Variants in ANK3 observed in about 807,000 individuals in gnomAD.
ANK3 encodes the protein ankyrin-3.
In ANK3, 57 loss-of-function variants were observed where a neutral mutation model predicts 370.9. The ratio of observed to expected loss-of-function variants is 0.15; its 90% CI spans 0.12 to 0.19. ANK3 has a LOEUF of 0.19. Ranked by LOEUF, ANK3 falls within the 10% of genes least tolerant of loss-of-function variation. The pLI, the probability that ANK3 is intolerant of heterozygous loss-of-function variation, is 1.00. For synonymous variants in ANK3, 1,929 were observed against 1,946.3 expected (o/e 0.99, Z 0.23); for missense variants, 4,439 against 5,302.1 (o/e 0.84, Z 5.06).
intron 1 of ANK3, among the ~76,000 whole-genome samples, chr10:60,674,788 T>C (rs573644117): frequency 6.6e-6 from 1 of 152,324 alleles, no homozygotes; most frequent in East Asian, 1.9e-4. Flanking sequence ...ACAATTATAA[T>C]CTTTAATAAA....
At chr10:60,037,230 T>A (rs569832423) in intron 43 of ANK3, among the ~76,000 whole-genome samples, 54 of 152,308 alleles carry the variant, frequency 3.5e-4, no homozygotes, top group African/African-American at 1.3e-3. Context: ...CTATCCATTC[T>A]CTAGATAGTC....
At chr10:60,608,792 C>T (rs1041950629) in intron 2 of ANK3, among the ~76,000 whole-genome samples, 1 of 152,102 alleles carries the variant, frequency 6.6e-6, no homozygotes, top group Non-Finnish European at 1.5e-5. Context: ...AATCCTGTTC[C>T]TCTATTTCGG....
intron 1 of ANK3, among the ~76,000 whole-genome samples, chr10:60,691,253 T>C (rs529839884): frequency 1.3e-4 from 20 of 152,210 alleles, no homozygotes; most frequent in Non-Finnish European, 2.9e-4. Context: ...CCCAGCATCA[T>C]GCAGTATATC....
chr10:60,697,541 G>A (rs1438468152), intron 1 of ANK3, among the ~76,000 whole-genome samples: 2 of 148,494 alleles, frequency 1.3e-5, no homozygotes, highest in Admixed American at 6.8e-5. Flanking sequence ...GCATGGTACT[G>A]GTACCAAAAC....
exon 1 of ANK3, chr10:60,733,292 C>G: frequency 8.1e-7 from 1 of 1,238,158 alleles, no homozygotes; most frequent in South Asian, 4.0e-5. Flanking sequence ...TCGGTGCCCG[C>G]GGGAGAGGAG....
intron 1 of ANK3, among the ~76,000 whole-genome samples, chr10:60,368,900 TG>T (rs2059748272): frequency 6.6e-6 from 1 of 152,184 alleles, no homozygotes; most frequent in Non-Finnish European, 1.5e-5. Context: ...AACCTGGTGC[TG>T]GAAATCCTAA....
chr10:60,527,592 G>A (rs761182001), intron 2 of ANK3, among the ~76,000 whole-genome samples: 6 of 152,018 alleles, frequency 3.9e-5, no homozygotes, highest in Non-Finnish European at 8.8e-5. Flanking sequence ...ATAATTCAAA[G>A]TCCTCCTCAA....
chr10:60,436,860 A>G (rs980679325), intron 2 of ANK3, among the ~76,000 whole-genome samples: 2 of 152,224 alleles, frequency 1.3e-5, no homozygotes, highest in African/African-American at 4.8e-5. Flanking sequence ...CATCAACACA[A>G]TCTATTTTAA....
chr10:60,476,312 T>C (rs1387924939), intron 2 of ANK3, among the ~76,000 whole-genome samples: 1 of 152,172 alleles, frequency 6.6e-6, no homozygotes, highest in East Asian at 1.9e-4. Flanking sequence ...GCTCGAAATA[T>C]GGCAGCCCAC....
chr10:60,698,646 G>T (rs1165881475), intron 1 of ANK3, among the ~76,000 whole-genome samples: 4 of 145,366 alleles, frequency 2.8e-5, no homozygotes, highest in Admixed American at 7.0e-5. Flanking sequence ...GTAAACTATC[G>T]CAAGAACAAA....
intron 7 of ANK3, among the ~76,000 whole-genome samples, chr10:60,259,696 A>T (rs904213182): frequency 2.6e-5 from 4 of 152,218 alleles, no homozygotes; most frequent in Non-Finnish European, 5.9e-5. Context: ...TTTTAGCAAC[A>T]TCAGAAAATT....
In ANK3 at chr10:60,446,227, A is replaced by G. The variant is rs143412266; in HGVS notation, c.97-166588T>C. On this transcript the variant is annotated intron_variant, in intron 2 of 43. Coordinates refer to the ANK3 transcript ENST00000373827. ...AGCAATTTTTCTTGCCTGTTGTGAA[A>G]GAAAACCTTCCCAGGAAGCAAATAC... Among the ~76,000 whole-genome samples the G allele has an allele frequency of 2.7e-3, 415 of 152,328 alleles. 1 individual carries two copies. Among genetic ancestry groups the G allele is most frequent in the African/African-American group, 8.4e-3 (350 of 41,576 alleles).
At chr10:60,495,792 A>G (rs2075638911) in intron 2 of ANK3, among the ~76,000 whole-genome samples, 1 of 152,204 alleles carries the variant, frequency 6.6e-6, no homozygotes, top group Admixed American at 6.5e-5. Flanking sequence ...AAGAGAGTTA[A>G]AAGATGTCAG....
At chr10:60,420,053 G>C (rs1471403463) in intron 2 of ANK3, among the ~76,000 whole-genome samples, 1 of 151,952 alleles carries the variant, frequency 6.6e-6, no homozygotes, top group African/African-American at 2.4e-5. Flanking sequence ...CCACTTTGAC[G>C]CCATTAAGCA....
intron 23 of ANK3, among the ~76,000 whole-genome samples, chr10:60,154,449 C>T (rs1162488730): frequency 6.6e-6 from 1 of 152,142 alleles, no homozygotes; most frequent in Non-Finnish European, 1.5e-5. Flanking sequence ...CTTCACATTT[C>T]CCAAAGTAAT....
chr10:60,135,466 G>T (rs2094296804), intron 24 of ANK3, among the ~76,000 whole-genome samples: 4 of 152,216 alleles, frequency 2.6e-5, no homozygotes, highest in Admixed American at 1.3e-4. Context: ...CGGCAATGGG[G>T]TATCCCATAA....
chr10:60,634,912 C>A (rs2078533407), intron 1 of ANK3, among the ~76,000 whole-genome samples: 1 of 152,108 alleles, frequency 6.6e-6, no homozygotes, highest in Admixed American at 6.6e-5. Flanking sequence ...GGAAGAAACT[C>A]CAGACACATC....
At chr10:60,370,851 G>A (rs1005500902) in intron 1 of ANK3, among the ~76,000 whole-genome samples, 1 of 152,104 alleles carries the variant, frequency 6.6e-6, no homozygotes, top group African/African-American at 2.4e-5. Context: ...ACATCAACCT[G>A]AGATAACATT....
intron 2 of ANK3, among the ~76,000 whole-genome samples, chr10:60,517,568 A>G (rs2076250628): frequency 6.6e-6 from 1 of 152,128 alleles, no homozygotes; most frequent in East Asian, 1.9e-4. Flanking sequence ...AAAAGACAGA[A>G]AAGTAAAAGC....
Sources: allele counts gnomAD v4.1 joint callset (sites outside exome capture counted in the v4.1 genomes callset), GRCh38; gene constraint gnomAD v4.1.1; transcripts MANE v1.5; gene names NCBI Gene and HGNC (gene_info 2026-07-23, HGNC 2026-07-21).